Variants in LPCAT3 observed in about 807,000 individuals in gnomAD.
LPCAT3 encodes the protein lysophosphatidylcholine acyltransferase 3.
In LPCAT3, 21 loss-of-function variants were observed where a neutral mutation model predicts 63.4. The observed-to-expected ratio is 0.33, with a 90% CI of 0.23 to 0.48. LPCAT3 has a LOEUF of 0.48. LPCAT3 is among the 20% of genes least tolerant of loss of function. The pLI is 0.99. For missense variants in LPCAT3, 451 were observed against 590.6 expected (o/e 0.76, Z 2.45); for synonymous variants, 242 against 227.5 (o/e 1.06, Z -0.58).
intron 1 of LPCAT3, among the ~76,000 whole-genome samples, chr12:6,992,881 A>C (rs12580543): frequency 0.12 from 17,924 of 152,240 alleles, 1,746 homozygotes; most frequent in African/African-American, 0.27. Flanking sequence ...ACCTATGCAC[A>C]TCTTCACATA....
rs1466120386 is a variant in LPCAT3, at chr12:6,977,834, A to T, written c.1041-89T>A. 4.4e-5 allele frequency: 66 copies of T among 1,513,884 alleles called. No individual in the cohort carries two copies. The highest frequency in any genetic ancestry group is 3.2e-4 in the South Asian group (27 of 84,330). The allele number at this position is 1,513,884 out of a possible 1,614,324, so 93.8% of individuals were successfully genotyped here. ...TCTGGGTCCTCACCCTGAGGATTGG[A>T]TTGGAGTGCTGGTGGGTTCCCACGT... On this transcript the variant is annotated intron_variant, in intron 9 of 12. Coordinates refer to ENST00000261407, the MANE Select transcript of LPCAT3 (RefSeq NM_005768.6). The surrounding 1 kb of genome is among the most constrained non-coding windows in gnomAD (Gnocchi z 4.5).
chr12:6,990,314 C>T (rs1463199045), intron 1 of LPCAT3, among the ~76,000 whole-genome samples: 1 of 150,850 alleles, frequency 6.6e-6, no homozygotes, highest in African/African-American at 2.4e-5. Flanking sequence ...TCGAGACCAT[C>T]CTGGTTAACA....
At chr12:6,997,947 T>G (rs782631311) in intron 1 of LPCAT3, among the ~76,000 whole-genome samples, 12 of 151,952 alleles carry the variant, frequency 7.9e-5, no homozygotes, top group Non-Finnish European at 1.8e-4. Context: ...AGGCTGGTCT[T>G]AAACTCCTGA....
At chr12:6,980,969 C>A (rs1946465010) in intron 6 of LPCAT3, 35 bp downstream of exon 6, 2 of 1,537,016 alleles carry the variant, frequency 1.3e-6, no homozygotes, top group South Asian at 1.3e-5. Flanking sequence ...GAGTGAAATA[C>A]CTACACAAAC....
In LPCAT3 at chr12:6,993,130, A is replaced by G. The variant is rs782328691; in HGVS notation, c.152-9591T>C. The stretch of plus-strand genomic sequence containing the variant: ...TTCACCCTTCAAAGTGTAAAATGTA[A>G]TGTTTTTTAGTATATTCAAAAGGTT... On this transcript the variant is annotated intron_variant, in intron 1 of 12. Transcript: ENST00000261407. 2.6e-5 allele frequency among the ~76,000 whole-genome samples: 4 copies of G among 152,216 alleles called. No individual in the cohort carries two copies. In the South Asian group the frequency reaches 8.3e-4, roughly 32 times the overall value.
chr12:7,003,644 C>T (rs1555156682), intron 1 of LPCAT3, among the ~76,000 whole-genome samples: 1 of 151,974 alleles, frequency 6.6e-6, no homozygotes, highest in East Asian at 1.9e-4. Flanking sequence ...AGGATGCGGC[C>T]GGGCGCGGTG....
intron 1 of LPCAT3, among the ~76,000 whole-genome samples, chr12:6,992,139 G>A (rs782637574): frequency 2.0e-5 from 3 of 152,130 alleles, no homozygotes; most frequent in East Asian, 1.9e-4. Context: ...GGGCGACAGA[G>A]TGAAACCCCA....
chr12:7,001,530 T>C (rs1385191138), intron 1 of LPCAT3: 1 of 455,926 alleles, frequency 2.2e-6, no homozygotes, highest in Non-Finnish European at 4.4e-6. Context: ...GTGAGGCTTT[T>C]GGGAGGGGTT....
At chr12:6,985,569 G>C (rs1946515485) in intron 1 of LPCAT3, among the ~76,000 whole-genome samples, 1 of 151,142 alleles carries the variant, frequency 6.6e-6, no homozygotes, top group African/African-American at 2.4e-5. Context: ...TAAAAAATTA[G>C]CTGGGTGTGG....
intron 1 of LPCAT3, among the ~76,000 whole-genome samples, chr12:6,991,599 A>G (rs1253587264): frequency 6.6e-6 from 1 of 152,202 alleles, no homozygotes; most frequent in African/African-American, 2.4e-5. Flanking sequence ...CCAAAATTCT[A>G]ATTTTTACTT....
Position 6,982,699 on chromosome 12 carries a change from G to A in LPCAT3, c.343C>T (p.Leu115Phe). The change falls in exon 3 of 13, where the codon CTC (leucine) becomes TTC (phenylalanine). Residue 115 changes from leucine (L) to phenylalanine (F), a missense_variant. By Grantham distance (22) the Leu-to-Phe change is conservative. Transcript: ENST00000261407. Reference protein sequence around the residue: ...RLMGRTITAVLTTFCFQMAYL... With the variant: ...RLMGRTITAVFTTFCFQMAYL... ...ACCATCTGGAAGCAAAAGGTAGTGA[G>A]GACGGCAGTGATGGTGCGGCCCATT... The A allele has an allele frequency of 1.9e-6, 3 of 1,613,414 alleles. No homozygotes were observed. The highest frequency in any genetic ancestry group is 2.5e-6 in the Non-Finnish European group (3 of 1,179,334).
intron 3 of LPCAT3, among the ~76,000 whole-genome samples, 174 bp downstream of exon 3, chr12:6,982,502 G>A (rs1320813045): frequency 6.6e-6 from 1 of 152,178 alleles, no homozygotes; most frequent in Admixed American, 6.5e-5. Context: ...ATTACAATCT[G>A]TGGATGGAAC....
chr12:7,000,792 C>G (rs1005397845), intron 1 of LPCAT3, among the ~76,000 whole-genome samples: 4 of 151,210 alleles, frequency 2.6e-5, no homozygotes, highest in African/African-American at 4.9e-5. Context: ...CTGCAAGCTC[C>G]GCCTCCCGGG....
At chr12:6,998,725 G>A (rs782149927) in intron 1 of LPCAT3, among the ~76,000 whole-genome samples, 3 of 152,202 alleles carry the variant, frequency 2.0e-5, no homozygotes, top group Non-Finnish European at 2.9e-5. Context: ...ATTAAGCCTT[G>A]TTGCTAGTAC....
chr12:6,992,525 G>C (rs868923239), intron 1 of LPCAT3, among the ~76,000 whole-genome samples: 7 of 152,152 alleles, frequency 4.6e-5, no homozygotes, highest in Non-Finnish European at 1.0e-4. Flanking sequence ...ATAGGGAAAA[G>C]ACAAATACAT....
intron 1 of LPCAT3, among the ~76,000 whole-genome samples, chr12:7,009,517 C>A (rs1415982713): frequency 6.6e-6 from 1 of 152,218 alleles, no homozygotes; most frequent in Admixed American, 6.5e-5. Context: ...GTTTCTCAAT[C>A]AGTAGTTTTG....
chr12:6,987,925 T>A lies in LPCAT3; in HGVS notation c.152-4386A>T. 1 of 400,002 alleles carries A rather than the reference T, an allele frequency of 2.5e-6. No homozygotes were observed. The highest frequency in any genetic ancestry group is 4.4e-6 in the Non-Finnish European group (1 of 225,874). 24.8% of individuals were successfully genotyped at this position (400,002 alleles called of 1,614,324 possible). ...GTGTCCACTTCTTATAGCCTGTCTGTCCCTTTCCTTGCTACTCTGGGATCA... is the reference window on the plus strand; with the variant it reads ...GTGTCCACTTCTTATAGCCTGTCTGACCCTTTCCTTGCTACTCTGGGATCA... On this transcript the variant is annotated intron_variant, in intron 1 of 12. Coordinates refer to ENST00000261407, the MANE Select transcript of LPCAT3 (RefSeq NM_005768.6). The surrounding 1 kb of genome is among the most constrained non-coding windows in gnomAD (Gnocchi z 4.1).
intron 1 of LPCAT3, among the ~76,000 whole-genome samples, chr12:7,002,495 T>TG (rs111457966): frequency 0.02 from 3,011 of 152,302 alleles, 102 homozygotes; most frequent in African/African-American, 0.068. Context: ...TCTCTTGTCT[T>TG]TAGAGTTGCC....
chr12:6,993,859 A>G (rs1237384507), intron 1 of LPCAT3, among the ~76,000 whole-genome samples: 6 of 152,084 alleles, frequency 3.9e-5, no homozygotes, highest in African/African-American at 1.4e-4. Context: ...TGATCTGTCC[A>G]CCTCAGCTTC....
Sources: allele counts gnomAD v4.1 joint callset (sites outside exome capture counted in the v4.1 genomes callset), GRCh38; gene constraint gnomAD v4.1.1; non-coding constraint Gnocchi (gnomAD v3.1); transcripts MANE v1.5; gene names NCBI Gene and HGNC (gene_info 2026-07-23, HGNC 2026-07-21).